TTC23L: variants seen among roughly 807,000 people sequenced by gnomAD.
TTC23L encodes the protein tetratricopeptide repeat domain 23 like, also known as tetratricopeptide repeat protein 23-like.
In TTC23L, 42 loss-of-function variants were observed where a neutral mutation model predicts 48.1. The observed-to-expected ratio is 0.87, with a 90% CI of 0.68 to 1.13. TTC23L has a LOEUF of 1.13. TTC23L is among the 50% of genes most tolerant of loss of function. The probability of loss-of-function intolerance (pLI) is 0.00; values close to 1 mark genes in which losing one functional copy is unlikely to be tolerated. For missense variants in TTC23L, 391 were observed against 421.0 expected (o/e 0.93, Z 0.62); for synonymous variants, 159 against 157.2 (o/e 1.01, Z -0.09).
chr5:34,859,615 T>A (rs2150384755), intron 4 of TTC23L, among the ~76,000 whole-genome samples: 1 of 152,230 alleles, frequency 6.6e-6, no homozygotes, highest in African/African-American at 2.4e-5. Flanking sequence ...TCTTCCGTTT[T>A]TCATCATATG....
At chr5:34,925,634 C>T in the TTC23L span, 2 of 654,710 alleles carry the variant, frequency 3.1e-6, no homozygotes, top group South Asian at 3.2e-5. Context: ...ATCTTAAAAT[C>T]AGTGATTATC....
chr5:34,896,088 G>T (rs1475233921), intron 9 of TTC23L, among the ~76,000 whole-genome samples: 1 of 152,224 alleles, frequency 6.6e-6, no homozygotes, highest in East Asian at 1.9e-4. Flanking sequence ...GGGGCAGGTA[G>T]AGAAGTGAAA....
intron 8 of TTC23L, among the ~76,000 whole-genome samples, chr5:34,873,612 C>T (rs563069120): frequency 6.6e-6 from 1 of 152,134 alleles, no homozygotes; most frequent in Non-Finnish European, 1.5e-5. Flanking sequence ...AAAAGAGGAT[C>T]GCCTGCATGT....
intron 9 of TTC23L, among the ~76,000 whole-genome samples, chr5:34,882,775 C>T (rs1456995458): frequency 1.3e-5 from 2 of 152,182 alleles, no homozygotes; most frequent in Non-Finnish European, 2.9e-5. Context: ...TATGGAGACT[C>T]ACACCTGTAA....
intron 2 of TTC23L, among the ~76,000 whole-genome samples, chr5:34,843,611 C>T (rs17523585): frequency 0.25 from 37,867 of 152,122 alleles, 4,831 homozygotes; most frequent in Middle Eastern, 0.32. Flanking sequence ...TTAACTTCTG[C>T]TCTAGGTCTG....
chr5:34,845,397 C>A (rs776481649), intron 2 of TTC23L, 90 bp from the exon 3 acceptor site: 1 of 1,311,596 alleles, frequency 7.6e-7, no homozygotes, highest in Non-Finnish European at 1.0e-6. Context: ...TGTCCCTATC[C>A]CCTAGTTGGG....
chr5:34,916,946 C>G, the TTC23L span, among the ~76,000 whole-genome samples: 2 of 152,158 alleles, frequency 1.3e-5, no homozygotes, highest in Non-Finnish European at 2.9e-5. Flanking sequence ...AGTGTTCTCA[C>G]TCTTCCCTTG....
At chr5:34,913,628 A>G in the TTC23L span, 1 of 1,116,770 alleles carries the variant, frequency 9.0e-7, no homozygotes, top group Non-Finnish European at 1.3e-6. Context: ...ATAAAAACTA[A>G]TAATATAAGG....
the TTC23L span, chr5:34,907,237 G>A: frequency 1.3e-5 from 2 of 152,106 alleles, no homozygotes; most frequent in African/African-American, 2.4e-5. Context: ...TCCAATTTTG[G>A]TGAATACAAT....
At chr5:34,914,815 A>G in the TTC23L span, 1 of 1,614,220 alleles carries the variant, frequency 6.2e-7, no homozygotes, top group Non-Finnish European at 8.5e-7. Flanking sequence ...TAGTGGAGAG[A>G]TTCCTAACGT....
At chr5:34,882,077 C>A (rs149711177) in intron 9 of TTC23L, among the ~76,000 whole-genome samples, 185 of 152,246 alleles carry the variant, frequency 1.2e-3, no homozygotes, top group African/African-American at 4.3e-3. Context: ...AACATGAGAT[C>A]CCAATGCCAT....
At position 34,859,988 on chromosome 5, in the gene TTC23L, C is replaced by T. The variant is rs183963879; in HGVS notation, c.380-2910C>T. On this transcript the variant is annotated intron_variant, in intron 4 of 10. Coordinates refer to ENST00000505624, the Ensembl canonical transcript of TTC23L. Reference sequence around the variant, plus strand: ...CCTCCAGAGTAGCTGGGACTACAGGCGCCCGCCACCACGCCTGGCTAATTT... The same window carrying T: ...CCTCCAGAGTAGCTGGGACTACAGGTGCCCGCCACCACGCCTGGCTAATTT... Among the ~76,000 whole-genome samples, 146 of 151,596 alleles carry T rather than the reference C, an allele frequency of 9.6e-4. 2 individuals are homozygous for T. The East Asian group carries it at 0.025, about 25-fold the overall frequency.
intron 4 of TTC23L, among the ~76,000 whole-genome samples, chr5:34,855,506 A>G (rs974874472): frequency 6.6e-5 from 10 of 152,220 alleles, no homozygotes; most frequent in African/African-American, 2.4e-4. Context: ...GAGTCTACGA[A>G]CGACAGATAC....
chr5:34,914,145 T>C, the TTC23L span: 1 of 327,892 alleles, frequency 3.0e-6, no homozygotes, highest in Non-Finnish European at 6.2e-6. Context: ...ACACAAATAT[T>C]ACTTTGGAAG....
At chr5:34,894,093 GAT>G (rs1763050760) in intron 9 of TTC23L, among the ~76,000 whole-genome samples, 1 of 152,094 alleles carries the variant, frequency 6.6e-6, no homozygotes, top group South Asian at 2.1e-4. Context: ...CTTTTTGGTG[GAT>G]ATGTTGGGAA....
chr5:34,862,915 A>G lies in TTC23L; in HGVS notation c.397A>G (p.Lys133Glu), dbSNP rs1227438744. 4 of 1,613,976 alleles carry G rather than the reference A, an allele frequency of 2.5e-6. No individual in the cohort carries two copies. The East Asian group carries it at 8.9e-5, about 36-fold the overall frequency. ...TCCCCCAGGCCTCCCAGTTCAGGCC[A>G]AGAAACATGCTACATCAGCCAAGAA... The change falls in exon 5 of 11, where the codon AAG (lysine) becomes GAG (glutamate). Residue 133 changes from lysine (K) to glutamate (E), a missense_variant. By Grantham distance (56) the Lys-to-Glu change is moderately conservative (BLOSUM62 1). Coordinates refer to ENST00000505624, the Ensembl canonical transcript of TTC23L.
chr5:34,914,032 T>A, the TTC23L span: 4 of 456,440 alleles, frequency 8.8e-6, no homozygotes, highest in Middle Eastern at 3.2e-4. Flanking sequence ...TGCCCCTGCA[T>A]GAGGACAAGA....
At chr5:34,914,796 C>G in the TTC23L span, 2 of 1,614,254 alleles carry the variant, frequency 1.2e-6, no homozygotes, top group Non-Finnish European at 1.7e-6. Flanking sequence ...AAATGAATAG[C>G]TTTCAAGATA....
At chr5:34,847,571 T>C (rs1759317676) in intron 3 of TTC23L, among the ~76,000 whole-genome samples, 1 of 151,922 alleles carries the variant, frequency 6.6e-6, no homozygotes, top group South Asian at 2.1e-4. Context: ...AGTGCTGGGA[T>C]GACATCTGGA....
Sources: gnomAD v4.1 joint callset for allele counts (sites outside exome capture counted in the v4.1 genomes callset) on GRCh38, gnomAD v4.1.1 for gene constraint, MANE v1.5 for transcripts, NCBI Gene and HGNC (gene_info 2026-07-23, HGNC 2026-07-21) for gene names.